GSE1: variants seen among roughly 807,000 people sequenced by gnomAD.
The protein encoded by GSE1 is genetic suppressor element 1.
In GSE1, 32 loss-of-function variants were observed where a neutral mutation model predicts 112.6. The observed-to-expected ratio is 0.28, with a 90% CI of 0.21 to 0.38. The LOEUF (loss-of-function observed/expected upper bound fraction) is 0.38. Among genes scored for constraint, GSE1 ranks in the 10% least tolerant of loss-of-function variants. GSE1 has a pLI of 1.00. For synonymous variants in GSE1, 1,115 were observed against 735.6 expected, an observed-to-expected ratio of 1.52 and a Z score of -8.35; for missense variants, 2,348 against 1,699.2, an observed-to-expected ratio of 1.38 and a Z score of -6.71.
At chr16:85,400,180 C>G (rs1369406820) in intron 2 of GSE1, among the ~76,000 whole-genome samples, 1 of 152,236 alleles carries the variant, frequency 6.6e-6, no homozygotes, top group Non-Finnish European at 1.5e-5. Context: ...GCCAGACGCC[C>G]CACAGGCCCT....
chr16:85,186,596 C>T (rs956542410), intron 1 of GSE1, among the ~76,000 whole-genome samples: 4 of 148,090 alleles, frequency 2.7e-5, no homozygotes, highest in Non-Finnish European at 3.0e-5. Context: ...GAGTGAGACT[C>T]TGTCTCAAGA....
chr16:85,220,998 G>A (rs938091859), intron 1 of GSE1, among the ~76,000 whole-genome samples: 2 of 150,366 alleles, frequency 1.3e-5, no homozygotes, highest in Non-Finnish European at 3.0e-5. Flanking sequence ...GCACATGGGA[G>A]AACAGCCAAG....
intron 1 of GSE1, among the ~76,000 whole-genome samples, chr16:85,246,348 TACAC>T (rs375723620): frequency 0.08 from 4,912 of 61,552 alleles, 432 homozygotes; most frequent in African/African-American, 0.24. Flanking sequence ...ACACGCTGTC[TACAC>T]ACACACACAC....
At chr16:85,235,827 T>C (rs1038900631) in intron 1 of GSE1, among the ~76,000 whole-genome samples, 3 of 151,906 alleles carry the variant, frequency 2.0e-5, no homozygotes, top group Non-Finnish European at 2.9e-5. Flanking sequence ...AGCCAGGAGC[T>C]GACCTTACGG....
intron 1 of GSE1, among the ~76,000 whole-genome samples, chr16:85,301,623 C>G (rs978776150): frequency 6.6e-6 from 1 of 152,228 alleles, no homozygotes; most frequent in Admixed American, 6.5e-5. Flanking sequence ...AGGGACAGTG[C>G]TTTCTAATGG....
intron 2 of GSE1, among the ~76,000 whole-genome samples, chr16:85,364,310 G>T (rs1228024362): frequency 6.6e-6 from 1 of 152,122 alleles, no homozygotes. Flanking sequence ...TACTTAGAAG[G>T]CCCCTGTGAC....
intron 1 of GSE1, among the ~76,000 whole-genome samples, chr16:85,292,683 C>T (rs1257669337): frequency 6.6e-6 from 1 of 151,666 alleles, no homozygotes; most frequent in Non-Finnish European, 1.5e-5. Flanking sequence ...TGGTCTCAAA[C>T]TCGTGATCTC....
intron 1 of GSE1, among the ~76,000 whole-genome samples, chr16:85,189,977 C>A (rs1324865958): frequency 6.6e-6 from 1 of 152,062 alleles, no homozygotes; most frequent in African/African-American, 2.4e-5. Flanking sequence ...GTTTTTGAAC[C>A]AGTTTTTTGG....
At chr16:85,590,364 AGT>A (rs974465861) in intron 1 of GSE1, among the ~76,000 whole-genome samples, 5 of 132,180 alleles carry the variant, frequency 3.8e-5, no homozygotes, top group Admixed American at 7.7e-5. Flanking sequence ...CTTGTGAATG[AGT>A]GTGAGTGTGT....
chr16:85,347,559 G>A (rs1370251338), intron 1 of GSE1, among the ~76,000 whole-genome samples: 1 of 152,178 alleles, frequency 6.6e-6, no homozygotes, highest in African/African-American at 2.4e-5. Flanking sequence ...GCTTTCTAGT[G>A]ACCCTCCTGG....
chr16:85,242,679 C>G (rs1039880512), intron 1 of GSE1, among the ~76,000 whole-genome samples: 4 of 152,162 alleles, frequency 2.6e-5, no homozygotes, highest in Non-Finnish European at 4.4e-5. Context: ...ACAGCGACCC[C>G]GACCCCACTG....
intron 1 of GSE1, among the ~76,000 whole-genome samples, chr16:85,229,055 C>A (rs1250820044): frequency 6.6e-6 from 1 of 152,218 alleles, no homozygotes; most frequent in Non-Finnish European, 1.5e-5. Context: ...CCATCCCCAC[C>A]AAGGAGGAAA....
intron 1 of GSE1, among the ~76,000 whole-genome samples, chr16:85,231,140 G>A (rs1054512951): frequency 6.8e-6 from 1 of 146,818 alleles, no homozygotes; most frequent in Non-Finnish European, 1.5e-5. Context: ...AAGGATGGAT[G>A]GATGGATGGA....
At chr16:85,231,080 G>GGATT in intron 1 of GSE1, among the ~76,000 whole-genome samples, 1 of 79,358 alleles carries the variant, frequency 1.3e-5, no homozygotes, top group Admixed American at 1.7e-4. Context: ...ACAGAGGGAT[G>GGATT]GATGGATGGA....
chr16:85,421,617 T>A lies in GSE1; in HGVS notation c.2464+63974T>A, dbSNP rs550858316. 5.3e-5 allele frequency among the ~76,000 whole-genome samples: 8 copies of A among 152,274 alleles called. No homozygotes were observed. The South Asian group carries it at 1.4e-3, about 28-fold the overall frequency. ...GGTTTTCGGGGCTGCTGGCAGCTGCTCATTTGCAGGCCCGAGCTTGTGAAC... is the reference window on the plus strand; with the variant it reads ...GGTTTTCGGGGCTGCTGGCAGCTGCACATTTGCAGGCCCGAGCTTGTGAAC... On this transcript the variant is annotated intron_variant, in intron 2 of 2. Coordinates refer to the GSE1 transcript ENST00000637419.
At chr16:85,527,793 C>T (rs913344267) in intron 2 of GSE1, among the ~76,000 whole-genome samples, 1 of 152,222 alleles carries the variant, frequency 6.6e-6, no homozygotes, top group Non-Finnish European at 1.5e-5. Flanking sequence ...GTAGCACAGA[C>T]ATATACAGGA....
chr16:85,590,328 G>C (rs527612531), intron 1 of GSE1, among the ~76,000 whole-genome samples: 3 of 148,528 alleles, frequency 2.0e-5, no homozygotes, highest in African/African-American at 7.8e-5. Flanking sequence ...GTGAATGTGA[G>C]TGTGTGTGAT....
At chr16:85,247,975 G>C (rs1051318934) in intron 1 of GSE1, among the ~76,000 whole-genome samples, 1 of 152,234 alleles carries the variant, frequency 6.6e-6, no homozygotes, top group Non-Finnish European at 1.5e-5. Flanking sequence ...GGGACAAATT[G>C]CCCAGTGCTG....
intron 1 of GSE1, among the ~76,000 whole-genome samples, chr16:85,209,322 G>A (rs1015513046): frequency 6.6e-6 from 1 of 152,164 alleles, no homozygotes; most frequent in Non-Finnish European, 1.5e-5. Flanking sequence ...GCTGGCCAGG[G>A]CAACATCCTC....
Sources: allele counts gnomAD v4.1 joint callset (sites outside exome capture counted in the v4.1 genomes callset), GRCh38; gene constraint gnomAD v4.1.1; transcripts MANE v1.5; gene names NCBI Gene and HGNC (gene_info 2026-07-23, HGNC 2026-07-21).